The following HVCN1 variants were observed in gnomAD, a reference collection of about 807,000 sequenced individuals.
HVCN1 encodes the protein voltage-gated hydrogen channel 1.
Under a neutral mutation model 29.2 loss-of-function variants are expected in HVCN1, and 14 were observed. The observed-to-expected ratio is 0.48, with a 90% CI of 0.32 to 0.75. The LOEUF (loss-of-function observed/expected upper bound fraction) is 0.75, where lower values mean the gene tolerates loss of function less well. Ranked by LOEUF, HVCN1 falls within the 30% of genes least tolerant of loss-of-function variation. The pLI is 0.04. For missense variants in HVCN1, 263 were observed against 341.8 expected (o/e 0.77, Z 1.82); for synonymous variants, 131 against 133.2 (o/e 0.98, Z 0.11).
At chr12:110,675,211 C>A (rs188542624) in intron 3 of HVCN1, among the ~76,000 whole-genome samples, 2 of 152,340 alleles carry the variant, frequency 1.3e-5, no homozygotes, top group South Asian at 2.1e-4. Flanking sequence ...GTAATCCCAG[C>A]GCTTTGGGAG....
At chr12:110,686,503 C>T (rs1302374749) in intron 2 of HVCN1, among the ~76,000 whole-genome samples, 4 of 151,956 alleles carry the variant, frequency 2.6e-5, no homozygotes, top group Non-Finnish European at 5.9e-5. Context: ...CCTGCTCTCA[C>T]GAGAGGGGCT....
chr12:110,671,616 A>G (rs2136359703), intron 3 of HVCN1, among the ~76,000 whole-genome samples: 1 of 152,280 alleles, frequency 6.6e-6, no homozygotes, highest in Middle Eastern at 3.4e-3. Flanking sequence ...TGTGTGCCTG[A>G]GTTAGCCAGG....
At chr12:110,666,402 G>A (rs2068356537) in intron 3 of HVCN1, among the ~76,000 whole-genome samples, 1 of 151,884 alleles carries the variant, frequency 6.6e-6, no homozygotes, top group Admixed American at 6.6e-5. Context: ...CAGCCTGGGC[G>A]ACAGAGTGAG....
intron 5 of HVCN1, among the ~76,000 whole-genome samples, chr12:110,651,792 T>G (rs1403962861): frequency 6.6e-6 from 1 of 152,218 alleles, no homozygotes; most frequent in Non-Finnish European, 1.5e-5. Context: ...ACAACAGAAA[T>G]GTCCATTAGA....
chr12:110,655,481 C>T (rs1593441463), intron 4 of HVCN1, 143 bp from the exon 5 acceptor site: 7 of 624,850 alleles, frequency 1.1e-5, no homozygotes, highest in South Asian at 1.1e-4. Flanking sequence ...CTATAGCTCG[C>T]CAGAGGCCCC....
chr12:110,649,393 G>A lies in HVCN1; in HGVS notation c.*17C>T, dbSNP rs1465121363. 1 of 1,599,730 alleles carries A rather than the reference G, an allele frequency of 6.3e-7. No homozygotes were observed. Among genetic ancestry groups the A allele is most frequent in the Middle Eastern group, 1.7e-4 (1 of 6,026 alleles). ...CCATGAGACAGTGTCTTCTTTTTGAGGGGAGCTGGTCCGGGTCTAGTTCAC... is the reference window on the plus strand; with the variant it reads ...CCATGAGACAGTGTCTTCTTTTTGAAGGGAGCTGGTCCGGGTCTAGTTCAC... On this transcript the variant is annotated 3_prime_UTR_variant, in exon 8 of 8. Transcript: ENST00000242607.
chr12:110,680,816 G>C (rs914626007), intron 3 of HVCN1, among the ~76,000 whole-genome samples: 1 of 152,118 alleles, frequency 6.6e-6, no homozygotes, highest in Non-Finnish European at 1.5e-5. Context: ...TGTAATTCCA[G>C]TTACTAGGGT....
chr12:110,660,194 T>C (rs143427539), intron 4 of HVCN1, among the ~76,000 whole-genome samples: 4 of 151,540 alleles, frequency 2.6e-5, no homozygotes, highest in African/African-American at 7.3e-5. Context: ...CTGACCAACA[T>C]AGTGAAACCC....
At chr12:110,695,730 C>A (rs80044246) in intron 2 of HVCN1, among the ~76,000 whole-genome samples, 22,204 of 152,146 alleles carry the variant, frequency 0.15, 2,245 homozygotes, top group African/African-American at 0.29. Flanking sequence ...GAGAGAGGGA[C>A]AACCTTTTCA....
rs76265846 is a variant in HVCN1, at chr12:110,676,318, G to A, written c.21+6907C>T. Among the ~76,000 whole-genome samples, 4 of 152,284 alleles carry A rather than the reference G, an allele frequency of 2.6e-5. No individual in the cohort carries two copies. The highest frequency in any genetic ancestry group is 3.9e-4 in the East Asian group (2 of 5,164). ...GCTGCATTCTCCATCAGCTGCAGGAGAGCATCCCTCCAAGCATGACTACAT... is the reference window on the plus strand; with the variant it reads ...GCTGCATTCTCCATCAGCTGCAGGAAAGCATCCCTCCAAGCATGACTACAT... On this transcript the variant is annotated intron_variant, in intron 3 of 7. Transcript: ENST00000242607. This position sits in a 1 kb window ranked among gnomAD's most constrained non-coding sequence, Gnocchi z 4.1.
chr12:110,667,523 G>A (rs1043557434), intron 3 of HVCN1, among the ~76,000 whole-genome samples: 10 of 152,230 alleles, frequency 6.6e-5, no homozygotes, highest in African/African-American at 2.2e-4. Flanking sequence ...TTGACCTCCC[G>A]GGATCAAGCG....
upstream of HVCN1, among the ~76,000 whole-genome samples, chr12:110,694,777 G>A (rs2069463988): frequency 6.6e-6 from 1 of 152,234 alleles, no homozygotes; most frequent in African/African-American, 2.4e-5. This position sits in a 1 kb window ranked among gnomAD's most constrained non-coding sequence, Gnocchi z 4.6. Flanking sequence ...GGGCACCGAT[G>A]CCTGATGACG....
At chr12:110,680,615 A>G (rs2068931747) in intron 3 of HVCN1, among the ~76,000 whole-genome samples, 1 of 152,172 alleles carries the variant, frequency 6.6e-6, no homozygotes, top group East Asian at 1.9e-4. Flanking sequence ...TATCTTTTAC[A>G]ATTATAATCA....
At chr12:110,686,463 G>A (rs1159800002) in intron 2 of HVCN1, among the ~76,000 whole-genome samples, 1 of 152,166 alleles carries the variant, frequency 6.6e-6, no homozygotes, top group Non-Finnish European at 1.5e-5. Flanking sequence ...AGCTTTGCAT[G>A]TCCCTATACC....
chr12:110,696,169 G>C (rs927283650), intron 2 of HVCN1, among the ~76,000 whole-genome samples: 20 of 151,648 alleles, frequency 1.3e-4, no homozygotes, highest in Non-Finnish European at 4.4e-5. Flanking sequence ...GCCCAGGCAG[G>C]TCTCGAACTC....
chr12:110,680,121 T>C (rs1220775482), intron 3 of HVCN1, among the ~76,000 whole-genome samples: 2 of 152,192 alleles, frequency 1.3e-5, no homozygotes, highest in African/African-American at 2.4e-5. Context: ...GGGCAGATCA[T>C]GAAAAGGAAC....
At chr12:110,656,354 G>A (rs1237185724) in intron 4 of HVCN1, among the ~76,000 whole-genome samples, 4 of 152,170 alleles carry the variant, frequency 2.6e-5, no homozygotes, top group African/African-American at 7.2e-5. Context: ...GGAGCAGTGT[G>A]GAGTGGGTGG....
intron 2 of HVCN1, among the ~76,000 whole-genome samples, chr12:110,695,968 T>C (rs1036757491): frequency 7.3e-5 from 11 of 151,388 alleles, no homozygotes; most frequent in African/African-American, 2.7e-4. Context: ...TTTTTTTTTT[T>C]TGAGATGGAG....
chr12:110,681,425 C>G (rs1387363679), intron 3 of HVCN1, among the ~76,000 whole-genome samples: 1 of 152,130 alleles, frequency 6.6e-6, no homozygotes, highest in Non-Finnish European at 1.5e-5. Flanking sequence ...GACCCAGTCC[C>G]CCGTGATATG....
Sources: gnomAD v4.1 joint callset for allele counts (sites outside exome capture counted in the v4.1 genomes callset) on GRCh38, gnomAD v4.1.1 for gene constraint, Gnocchi (gnomAD v3.1) non-coding constraint, MANE v1.5 for transcripts, NCBI Gene and HGNC (gene_info 2026-07-23, HGNC 2026-07-21) for gene names.